The following ESRRG variants were observed in gnomAD, a reference collection of about 807,000 sequenced individuals.
The protein encoded by ESRRG is estrogen related receptor gamma.
In ESRRG, 13 loss-of-function variants were observed where a neutral mutation model predicts 44.0. The observed-to-expected ratio is 0.30, with a 90% confidence interval of 0.19 to 0.47. The LOEUF is 0.47. Among genes scored for constraint, ESRRG ranks in the 20% least tolerant of loss-of-function variants. ESRRG has a pLI of 1.00. For synonymous variants in ESRRG, 215 were observed against 214.6 expected, an observed-to-expected ratio of 1.00 and a Z score of -0.02; for missense variants, 395 against 580.6, an observed-to-expected ratio of 0.68 and a Z score of 3.29.
intron 2 of ESRRG, among the ~76,000 whole-genome samples, chr1:216,753,169 T>C (rs1399213086): frequency 1.2e-5 from 1 of 83,408 alleles, no homozygotes. Context: ...TATATCTATA[T>C]ATTGATACAC....
At chr1:216,753,477 T>C (rs2092229849) in intron 2 of ESRRG, among the ~76,000 whole-genome samples, 1 of 152,080 alleles carries the variant, frequency 6.6e-6, no homozygotes, top group Admixed American at 6.6e-5. Flanking sequence ...CCACCCTCCT[T>C]TTAAAAAACA....
chr1:216,777,063 G>T (rs1308006853), intron 2 of ESRRG, among the ~76,000 whole-genome samples: 1 of 152,144 alleles, frequency 6.6e-6, no homozygotes, highest in East Asian at 1.9e-4. Context: ...TCTTCCCAGT[G>T]AGGTACTACT....
intron 2 of ESRRG, among the ~76,000 whole-genome samples, chr1:216,739,725 G>A (rs1198953974): frequency 3.3e-5 from 5 of 152,144 alleles, no homozygotes; most frequent in Non-Finnish European, 1.5e-5. Flanking sequence ...TGAAAACCCA[G>A]CTCACTGCTA....
chr1:216,854,760 A>AT (rs2095899469), intron 2 of ESRRG, among the ~76,000 whole-genome samples: 2 of 152,184 alleles, frequency 1.3e-5, no homozygotes, highest in South Asian at 4.1e-4. Flanking sequence ...TTTACTACAC[A>AT]TTTTGACAAT....
chr1:216,613,509 C>T (rs1157845484), intron 3 of ESRRG, among the ~76,000 whole-genome samples: 3 of 152,114 alleles, frequency 2.0e-5, no homozygotes, highest in African/African-American at 7.2e-5. Context: ...CACAAAATGA[C>T]GTGGAAAGCA....
intron 1 of ESRRG, among the ~76,000 whole-genome samples, chr1:216,995,293 C>T (rs951447409): frequency 3.9e-5 from 6 of 152,188 alleles, no homozygotes; most frequent in East Asian, 1.9e-4. Flanking sequence ...ATGACTGAAA[C>T]GACTTCCTCA....
intron 5 of ESRRG, among the ~76,000 whole-genome samples, chr1:216,526,977 A>G (rs2047848190): frequency 6.6e-6 from 1 of 152,182 alleles, no homozygotes; most frequent in African/African-American, 2.4e-5. Flanking sequence ...TTAGGCTTCC[A>G]ATGGTTCTAC....
chr1:216,838,051 T>A (rs11572581), intron 2 of ESRRG, among the ~76,000 whole-genome samples: 18,567 of 152,140 alleles, frequency 0.12, 1,515 homozygotes, highest in Non-Finnish European at 0.18. Flanking sequence ...GCCTTATATA[T>A]AACTGCACAT....
intron 2 of ESRRG, among the ~76,000 whole-genome samples, chr1:216,885,933 A>G (rs921600895): frequency 3.9e-5 from 6 of 151,980 alleles, no homozygotes; most frequent in African/African-American, 1.5e-4. Context: ...ATTCCTACAA[A>G]AATCCCTTCT....
At chr1:216,896,087 A>T (rs1221960304) in intron 2 of ESRRG, among the ~76,000 whole-genome samples, 1 of 152,224 alleles carries the variant, frequency 6.6e-6, no homozygotes, top group East Asian at 1.9e-4. Flanking sequence ...ACATCACGAC[A>T]AATGACATAT....
At chr1:216,994,771 A>G (rs977942189) in intron 1 of ESRRG, among the ~76,000 whole-genome samples, 1 of 151,142 alleles carries the variant, frequency 6.6e-6, no homozygotes, top group Admixed American at 6.6e-5. Context: ...TTTTTTTAGT[A>G]GAGACGGGCT....
chr1:216,903,067 G>A (rs1182737280), intron 2 of ESRRG, among the ~76,000 whole-genome samples: 3 of 152,160 alleles, frequency 2.0e-5, no homozygotes, highest in Non-Finnish European at 4.4e-5. Flanking sequence ...TTGTATACAT[G>A]TGTTTGTTTT....
At chr1:217,076,526 T>C (rs1018726219) in intron 1 of ESRRG, among the ~76,000 whole-genome samples, 1 of 152,170 alleles carries the variant, frequency 6.6e-6, no homozygotes, top group East Asian at 1.9e-4. Flanking sequence ...CTGGTCCTCG[T>C]AGAACTCAGA....
chr1:216,509,768 A>G (rs571329896), intron 6 of ESRRG, among the ~76,000 whole-genome samples: 2 of 152,316 alleles, frequency 1.3e-5, no homozygotes, highest in African/African-American at 4.8e-5. Context: ...CCATTCTCGG[A>G]TCTGCTAATA....
intron 1 of ESRRG, among the ~76,000 whole-genome samples, chr1:216,679,032 G>T (rs1185344103): frequency 6.6e-6 from 1 of 152,144 alleles, no homozygotes; most frequent in African/African-American, 2.4e-5. Flanking sequence ...AAGCGTTGAG[G>T]CAAGATTTGC....
intron 1 of ESRRG, among the ~76,000 whole-genome samples, chr1:217,002,871 G>A (rs975249842): frequency 2.2e-4 from 33 of 152,244 alleles, no homozygotes; most frequent in African/African-American, 7.9e-4. Context: ...CTGGTGACAT[G>A]CAGCCCCATG....
chr1:217,047,093 G>T (rs2085024561), intron 1 of ESRRG, among the ~76,000 whole-genome samples: 1 of 151,834 alleles, frequency 6.6e-6, no homozygotes. Context: ...CATAACATCT[G>T]GTCTCGATGG....
At chr1:216,865,240 C>G (rs984558016) in intron 2 of ESRRG, 7 of 103,988 alleles carry the variant, frequency 6.7e-5, no homozygotes, top group African/African-American at 3.1e-4. Context: ...GAATAAAGAG[C>G]ACTAACCAAA....
At chr1:216,711,799 G>A (rs1001503619) in intron 1 of ESRRG, among the ~76,000 whole-genome samples, 1 of 152,164 alleles carries the variant, frequency 6.6e-6, no homozygotes, top group Non-Finnish European at 1.5e-5. Context: ...ATCTGTGACA[G>A]CCCATCAGAA....
Sources: gnomAD v4.1 joint callset for allele counts (sites outside exome capture counted in the v4.1 genomes callset) on GRCh38, gnomAD v4.1.1 for gene constraint, MANE v1.5 for transcripts, NCBI Gene and HGNC (gene_info 2026-07-23, HGNC 2026-07-21) for gene names.